The following TENM2 variants were observed in gnomAD, a reference collection of about 807,000 sequenced individuals.
TENM2 encodes the protein teneurin transmembrane protein 2, also known as teneurin-2.
TENM2 carries 52 observed loss-of-function variants against 245.2 expected under a neutral mutation model. The observed-to-expected ratio is 0.21, with a 90% CI of 0.17 to 0.27. The LOEUF (loss-of-function observed/expected upper bound fraction) is 0.27. Ranked by LOEUF, TENM2 falls within the 10% of genes least tolerant of loss-of-function variation. The probability of loss-of-function intolerance (pLI) is 1.00; values close to 1 mark genes in which losing one functional copy is unlikely to be tolerated. For synonymous variants in TENM2, 1,363 were observed against 1,438.9 expected (o/e 0.95, Z 1.19); for missense variants, 3,046 against 3,666.8 (o/e 0.83, Z 4.37).
At chr5:167,244,683 C>T in the TENM2 span, among the ~76,000 whole-genome samples, 1 of 152,172 alleles carries the variant, frequency 6.6e-6, no homozygotes, top group African/African-American at 2.4e-5. Flanking sequence ...GTGGATAAAA[C>T]GTTAGTCACT....
rs968148325 is a variant in TENM2 at position 168,022,628 on chromosome 5, T to C, written c.1187-24799T>C. 3.7e-4 allele frequency among the ~76,000 whole-genome samples: 56 copies of C among 152,256 alleles called. 1 individual carries two copies. The highest frequency in any genetic ancestry group is 4.6e-4 in the Admixed American group (7 of 15,296). Reference sequence around the variant, plus strand: ...TGAGTGTTGCAGGATTAGAATAAAATAGTGGGGGTGAAGGAAAGCAGATTT... The same window carrying C: ...TGAGTGTTGCAGGATTAGAATAAAACAGTGGGGGTGAAGGAAAGCAGATTT... On this transcript the variant is annotated intron_variant, in intron 5 of 28. Coordinates refer to ENST00000518659, the Ensembl canonical transcript of TENM2.
the TENM2 span, among the ~76,000 whole-genome samples, chr5:167,248,512 G>C: frequency 6.6e-6 from 1 of 152,110 alleles, no homozygotes; most frequent in Non-Finnish European, 1.5e-5. Flanking sequence ...TGGTGTCCGT[G>C]CTGCCGATAC....
rs373027749 is a variant in TENM2, at chr5:168,103,600, G to A, written c.1813+5473G>A. Among the ~76,000 whole-genome samples, 5 of 152,152 alleles carry A rather than the reference G, an allele frequency of 3.3e-5. No individual in the cohort carries two copies. The East Asian group carries it at 7.7e-4, about 23-fold the overall frequency. On this transcript the variant is annotated intron_variant, in intron 9 of 28. Coordinates refer to ENST00000518659, the Ensembl canonical transcript of TENM2. ...GATATTTTCCGGTGATTGGATTGAC[G>A]TTATGCATTTTTAGCAAGATGCTAT...
chr5:167,671,256 C>A (rs1755925002), intron 2 of TENM2, among the ~76,000 whole-genome samples: 1 of 151,920 alleles, frequency 6.6e-6, no homozygotes, highest in African/African-American at 2.4e-5. Context: ...GTATAATAGC[C>A]CTGACATAAA....
chr5:168,034,686 A>G (rs1305722509), intron 5 of TENM2, among the ~76,000 whole-genome samples: 8 of 152,172 alleles, frequency 5.3e-5, no homozygotes, highest in Non-Finnish European at 8.8e-5. Flanking sequence ...TGGGAGGATC[A>G]CTTGAGCCAA....
chr5:167,227,632 C>A, the TENM2 span, among the ~76,000 whole-genome samples: 1 of 152,160 alleles, frequency 6.6e-6, no homozygotes, highest in Non-Finnish European at 1.5e-5. Context: ...CACTTTTGCT[C>A]TGATGGGCGT....
At chr5:166,979,746 G>A in the TENM2 span, among the ~76,000 whole-genome samples, 17 of 147,620 alleles carry the variant, frequency 1.2e-4, no homozygotes, top group African/African-American at 4.3e-4. Context: ...ATTTAAATTC[G>A]GCACTTCGGG....
intron 1 of TENM2, among the ~76,000 whole-genome samples, chr5:167,347,501 GT>G (rs1400440885): frequency 6.6e-6 from 1 of 152,160 alleles, no homozygotes; most frequent in Non-Finnish European, 1.5e-5. Context: ...AGGAAATGAA[GT>G]TAAAATAATG....
At chr5:168,170,518 G>T (rs1233633834) in intron 13 of TENM2, among the ~76,000 whole-genome samples, 1 of 152,026 alleles carries the variant, frequency 6.6e-6, no homozygotes, top group Non-Finnish European at 1.5e-5. Flanking sequence ...AAAAGAGAGA[G>T]AGAGAGAGAA....
chr5:167,731,145 C>A, intron 2 of TENM2, among the ~76,000 whole-genome samples: 1 of 151,266 alleles, frequency 6.6e-6, no homozygotes, highest in East Asian at 1.9e-4. Context: ...TATATTAAAA[C>A]ACCAGATAAA....
intron 2 of TENM2, among the ~76,000 whole-genome samples, chr5:167,492,588 G>T (rs1768504280): frequency 6.6e-6 from 1 of 151,950 alleles, no homozygotes; most frequent in African/African-American, 2.4e-5. Context: ...GAATTTACAT[G>T]GCTATTTATA....
At chr5:168,198,740 A>G (rs2152527102) in intron 15 of TENM2, 113 bp from the exon 18 acceptor site, 1 of 1,349,210 alleles carries the variant, frequency 7.4e-7, no homozygotes, top group Non-Finnish European at 1.0e-6. Flanking sequence ...TCCAAAGCCC[A>G]TGGTCTCCTC....
the TENM2 span, among the ~76,000 whole-genome samples, chr5:167,224,941 G>T: frequency 1.3e-5 from 2 of 151,924 alleles, no homozygotes; most frequent in Middle Eastern, 6.8e-3. Context: ...TTATTCCTAA[G>T]TATTTTATTA....
the TENM2 span, among the ~76,000 whole-genome samples, chr5:167,037,731 G>A: frequency 1.1e-4 from 16 of 152,080 alleles, no homozygotes; most frequent in African/African-American, 2.4e-4. Flanking sequence ...GAGAGGAACC[G>A]TAAAGGGAAA....
chr5:167,032,476 T>G, the TENM2 span, among the ~76,000 whole-genome samples: 1 of 152,320 alleles, frequency 6.6e-6, no homozygotes, highest in South Asian at 2.1e-4. Context: ...CGAAATGCCC[T>G]TGTGTTTTAT....
intron 3 of TENM2, among the ~76,000 whole-genome samples, chr5:167,922,442 C>G (rs781069735): frequency 2.0e-5 from 3 of 152,190 alleles, no homozygotes; most frequent in Non-Finnish European, 2.9e-5. Flanking sequence ...TGTTCCTTTT[C>G]TTTCTGACTC....
chr5:168,036,926 C>A (rs1425757407), intron 5 of TENM2, among the ~76,000 whole-genome samples: 1 of 151,842 alleles, frequency 6.6e-6, no homozygotes, highest in African/African-American at 2.4e-5. Context: ...CAGATTAGCT[C>A]TTTCCTCATA....
At chr5:167,095,614 T>A in the TENM2 span, among the ~76,000 whole-genome samples, 1 of 152,116 alleles carries the variant, frequency 6.6e-6, no homozygotes, top group Admixed American at 6.5e-5. Flanking sequence ...ATTTTTTAAA[T>A]GAACTCACAT....
intron 2 of TENM2, among the ~76,000 whole-genome samples, chr5:167,856,705 T>C (rs1771130281): frequency 6.6e-6 from 1 of 152,144 alleles, no homozygotes; most frequent in African/African-American, 2.4e-5. Context: ...CACGGGGCTG[T>C]GAGAGCAGTG....
Sources: allele counts gnomAD v4.1 joint callset (sites outside exome capture counted in the v4.1 genomes callset), GRCh38; gene constraint gnomAD v4.1.1; transcripts MANE v1.5; gene names NCBI Gene and HGNC (gene_info 2026-07-23, HGNC 2026-07-21).